TRIM37: variants seen among roughly 807,000 people sequenced by gnomAD.
The protein encoded by TRIM37 is E3 ubiquitin-protein ligase TRIM37.
TRIM37 carries 80 observed loss-of-function variants against 129.8 expected under a neutral mutation model. The ratio of observed to expected loss-of-function variants is 0.62; its 90% CI spans 0.51 to 0.74. The LOEUF (loss-of-function observed/expected upper bound fraction) is 0.74, where lower values mean the gene tolerates loss of function less well. Ranked by LOEUF, TRIM37 falls within the 30% of genes least tolerant of loss-of-function variation. The probability of loss-of-function intolerance (pLI) is 0.00; values close to 1 mark genes in which losing one functional copy is unlikely to be tolerated. For synonymous variants in TRIM37, 389 were observed against 387.1 expected, an observed-to-expected ratio of 1.00 and a Z score of -0.06; for missense variants, 1,054 against 1,176.5, an observed-to-expected ratio of 0.90 and a Z score of 1.52.
chr17:59,001,863 G>C, intron 22 of TRIM37, 149 bp from the exon 23 acceptor site: 1 of 1,147,896 alleles, frequency 8.7e-7, no homozygotes, highest in Non-Finnish European at 1.2e-6. Context: ...ACAAAACAAA[G>C]ACAAAAGTAA....
chr17:58,982,802 G>A (rs753643987), exon 25 of TRIM37: 58 of 1,042,062 alleles, frequency 5.6e-5, no homozygotes, highest in Non-Finnish European at 7.2e-5. Context: ...CTATAGTGCC[G>A]GAACCTTTTC....
At position 59,051,173 on chromosome 17, in the gene TRIM37, G is replaced by C. The variant is rs755633820; in HGVS notation, c.1314+41C>G. On this transcript the variant is annotated intron_variant, in intron 14 of 23. Coordinates refer to ENST00000262294, the MANE Select transcript of TRIM37 (RefSeq NM_015294.6). ...AATTACAAATATAACAAGCCAAAAG[G>C]ACAATAGGAAACACCAAAACAGAAA... The C allele has an allele frequency of 2.4e-6, 3 of 1,271,324 alleles. No homozygotes were observed. The South Asian group carries it at 3.7e-5, about 16-fold the overall frequency. The allele number at this position is 1,271,324 out of a possible 1,614,324, so 78.8% of individuals were successfully genotyped here. A position where few individuals can be genotyped will look rare whatever the true frequency, so the allele number is the denominator to read the frequency against.
At chr17:59,071,022 A>C in intron 8 of TRIM37, 75 bp from the exon 9 acceptor site, 1 of 1,547,298 alleles carries the variant, frequency 6.5e-7, no homozygotes. Flanking sequence ...AAGAAATTAC[A>C]AATTATTCTG....
In TRIM37 at chr17:59,061,029, T is replaced by A; in HGVS notation, c.1019+3A>T. ...AAGGTTGTTATTTAATTACACTTCT[T>A]ACTTAGAAGTTTCAGGCAAGCCAGC... On this transcript the variant is annotated splice_donor_region_variant and intron_variant, in intron 12 of 23. Transcript: ENST00000262294. 1 of 1,609,326 alleles carries A rather than the reference T, an allele frequency of 6.2e-7. No individual in the cohort carries two copies. The highest frequency in any genetic ancestry group is 8.5e-7 in the Non-Finnish European group (1 of 1,175,834).
chr17:59,004,923 CA>C (rs895616086), intron 22 of TRIM37, among the ~76,000 whole-genome samples: 2 of 151,092 alleles, frequency 1.3e-5, no homozygotes, highest in African/African-American at 4.8e-5. Context: ...TTCAGCAAAA[CA>C]AAAAAACAAA....
At position 59,012,854 on chromosome 17, in the gene TRIM37, C is replaced by T. The variant is rs563004980; in HGVS notation, c.2577-408G>A. On this transcript the variant is annotated intron_variant, in intron 21 of 23. Coordinates refer to ENST00000262294, the MANE Select transcript of TRIM37 (RefSeq NM_015294.6). ...TTGCACCATTGCACTCCAGCCTGGG[C>T]AACAGAGTGAGACTCTGTCTCAAAA... 3.4e-3 allele frequency among the ~76,000 whole-genome samples: 505 copies of T among 148,246 alleles called. 5 individuals are homozygous for T. Among genetic ancestry groups the T allele is most frequent in the African/African-American group, 0.012 (497 of 39,916 alleles).
At chr17:59,047,853 C>A in intron 15 of TRIM37, 34 bp from the exon 16 acceptor site, 1 of 1,612,234 alleles carries the variant, frequency 6.2e-7, no homozygotes, top group South Asian at 1.1e-5. Context: ...GACGTCTATT[C>A]CAAATGTTTC....
chr17:59,013,454 T>G (rs1487600047), intron 21 of TRIM37, among the ~76,000 whole-genome samples: 1 of 151,090 alleles, frequency 6.6e-6, no homozygotes, highest in Non-Finnish European at 1.5e-5. Flanking sequence ...GCCTGAGAGA[T>G]ATTATTGAAT....
intron 14 of TRIM37, among the ~76,000 whole-genome samples, chr17:59,050,706 G>A (rs959112357): frequency 1.5e-4 from 23 of 151,444 alleles, no homozygotes; most frequent in African/African-American, 5.3e-4. Context: ...GTGGCAGGGC[G>A]TGGTGGCTCA....
At chr17:59,024,026 G>A (rs548499115) in intron 19 of TRIM37, among the ~76,000 whole-genome samples, 32 of 151,578 alleles carry the variant, frequency 2.1e-4, no homozygotes, top group African/African-American at 7.3e-4. Flanking sequence ...CCAGCCTGAC[G>A]AATATGATGA....
chr17:59,029,572 TTAAA>T (rs1476344705), intron 18 of TRIM37, among the ~76,000 whole-genome samples: 1 of 152,034 alleles, frequency 6.6e-6, no homozygotes, highest in African/African-American at 2.4e-5. Context: ...TAAATATGTG[TTAAA>T]TAAATACACA....
chr17:59,018,009 T>C (rs887592874), intron 19 of TRIM37, among the ~76,000 whole-genome samples: 44 of 152,294 alleles, frequency 2.9e-4, no homozygotes, highest in African/African-American at 1.1e-3. Flanking sequence ...TATTAACAAA[T>C]ATATAACCCG....
At chr17:59,101,791 T>C (rs1019506003) in intron 2 of TRIM37, among the ~76,000 whole-genome samples, 1 of 142,850 alleles carries the variant, frequency 7.0e-6, no homozygotes, top group African/African-American at 2.6e-5. Context: ...TATACAAAAA[T>C]AGCCGGGCAT....
At chr17:59,042,037 C>T (rs2039220263) in intron 16 of TRIM37, 139 bp from the exon 17 acceptor site, 3 of 683,430 alleles carry the variant, frequency 4.4e-6, no homozygotes, top group Non-Finnish European at 7.4e-6. Context: ...AGATTTTTGT[C>T]ATTTTCCAAA....
chr17:59,078,506 G>A (rs1346256254), intron 7 of TRIM37, among the ~76,000 whole-genome samples: 1 of 152,108 alleles, frequency 6.6e-6, no homozygotes, highest in African/African-American at 2.4e-5. Context: ...AAGACCACAT[G>A]CAAATGTTTA....
At position 59,001,810 on chromosome 17, in the gene TRIM37, G is replaced by A. The variant is rs2033816578; in HGVS notation, c.2696-96C>T. 7.3e-6 allele frequency: 11 copies of A among 1,510,662 alleles called. No homozygotes were observed. In the South Asian group the frequency reaches 1.3e-4, roughly 18 times the overall value. The allele number at this position is 1,510,662 out of a possible 1,614,324, so 93.6% of individuals were successfully genotyped here. ...TATCTGCTAAACTGAGATTCCTATT[G>A]AATTTTACATGGAATGCCAAGAATT... On this transcript the variant is annotated intron_variant, in intron 22 of 23. Coordinates refer to ENST00000262294, the MANE Select transcript of TRIM37 (RefSeq NM_015294.6).
intron 19 of TRIM37, among the ~76,000 whole-genome samples, chr17:59,025,360 G>T (rs1053161517): frequency 5.3e-5 from 8 of 151,092 alleles, no homozygotes; most frequent in Non-Finnish European, 1.0e-4. Context: ...TAAGACCCAT[G>T]AATATTATTG....
intron 17 of TRIM37, among the ~76,000 whole-genome samples, chr17:59,036,482 G>A (rs1207864986): frequency 6.6e-6 from 1 of 150,776 alleles, no homozygotes; most frequent in African/African-American, 2.5e-5. Context: ...GTGTGTGTGT[G>A]TGCACGCGTG....
chr17:59,025,393 T>A (rs906057551), intron 19 of TRIM37, among the ~76,000 whole-genome samples: 1 of 151,062 alleles, frequency 6.6e-6, no homozygotes, highest in African/African-American at 2.4e-5. Context: ...TTATTAATTA[T>A]AATATTATTA....
Sources: allele counts gnomAD v4.1 joint callset (sites outside exome capture counted in the v4.1 genomes callset), GRCh38; gene constraint gnomAD v4.1.1; transcripts MANE v1.5; gene names NCBI Gene and HGNC (gene_info 2026-07-23, HGNC 2026-07-21).